Variants in FAM163A observed in about 807,000 individuals in gnomAD.
FAM163A encodes family with sequence similarity 163 member A, also known as protein FAM163A.
FAM163A carries 7 observed loss-of-function variants against 12.0 expected under a neutral mutation model. The ratio of observed to expected loss-of-function variants is 0.58; its 90% CI spans 0.33 to 1.10. FAM163A has a LOEUF of 1.10. Among genes scored for constraint, FAM163A ranks in the 50% least tolerant of loss-of-function variants. The pLI, the probability that FAM163A is intolerant of heterozygous loss-of-function variation, is 0.03. For missense variants in FAM163A, 202 were observed against 218.6 expected, an observed-to-expected ratio of 0.92 and a Z score of 0.48; for synonymous variants, 101 against 91.0, an observed-to-expected ratio of 1.11 and a Z score of -0.62.
At chr1:179,778,621 G>C (rs2148161275) in intron 1 of FAM163A, among the ~76,000 whole-genome samples, 1 of 152,300 alleles carries the variant, frequency 6.6e-6, no homozygotes, top group African/African-American at 2.4e-5. Flanking sequence ...TAGTAGGAAA[G>C]ATAGTAGCAT....
At chr1:179,729,251 T>C in the FAM163A span, among the ~76,000 whole-genome samples, 1 of 152,228 alleles carries the variant, frequency 6.6e-6, no homozygotes, top group South Asian at 2.1e-4. Flanking sequence ...ATAGGTGTTC[T>C]ATGTATGTGT....
At chr1:179,794,884 GGGAATTCAAAGA>G (rs1161326455) in intron 1 of FAM163A, among the ~76,000 whole-genome samples, 1 of 152,108 alleles carries the variant, frequency 6.6e-6, no homozygotes, top group Admixed American at 6.6e-5. Context: ...ATAAGGAAAT[GGGAATTCAAAGA>G]GGCTGAGTGA....
rs1695032122 is a variant in FAM163A at position 179,813,867 on chromosome 1, C to G, written c.182C>G (p.Thr61Ser). ...HDLPTHPRGP[T>S]CNACSSQALD... The stretch of plus-strand genomic sequence containing the variant: ...CTTCCCACGCATCCCAGAGGCCCCA[C>G]CTGCAATGCCTGCAGCTCCCAAGCC... The change falls in exon 5 of 5, where the codon ACC becomes AGC. Residue 61 changes from threonine (T) to serine (S), a missense_variant. By Grantham distance (58) the Thr-to-Ser change is moderately conservative. Coordinates refer to ENST00000341785, the MANE Select transcript of FAM163A (RefSeq NM_173509.3). 3 of 1,613,872 alleles carry G rather than the reference C, an allele frequency of 1.9e-6. No homozygotes were observed. Among genetic ancestry groups the G allele is most frequent in the Non-Finnish European group, 1.7e-6 (2 of 1,180,032 alleles).
the FAM163A span, among the ~76,000 whole-genome samples, chr1:179,729,549 C>T: frequency 7.9e-5 from 12 of 152,316 alleles, no homozygotes; most frequent in Non-Finnish European, 1.8e-4. Flanking sequence ...TCTGAGAAGG[C>T]TCCTAGTTGC....
intron 1 of FAM163A, among the ~76,000 whole-genome samples, chr1:179,767,118 C>A (rs1413127917): frequency 6.6e-6 from 1 of 152,076 alleles, no homozygotes; most frequent in Non-Finnish European, 1.5e-5. Context: ...CAGTGTCTTC[C>A]CTCAGAGATG....
intron 1 of FAM163A, among the ~76,000 whole-genome samples, chr1:179,772,505 T>G (rs1359632037): frequency 6.6e-6 from 1 of 152,200 alleles, no homozygotes; most frequent in Non-Finnish European, 1.5e-5. Flanking sequence ...TCAGGCCCCA[T>G]TCCAAATCTG....
intron 1 of FAM163A, among the ~76,000 whole-genome samples, chr1:179,779,419 T>C (rs989597874): frequency 2.6e-5 from 4 of 152,148 alleles, no homozygotes; most frequent in Non-Finnish European, 5.9e-5. Context: ...CCCTGGCCCC[T>C]GATACTTTAA....
At chr1:179,755,199 A>G (rs1685848058) in intron 1 of FAM163A, among the ~76,000 whole-genome samples, 1 of 151,826 alleles carries the variant, frequency 6.6e-6, no homozygotes, top group Non-Finnish European at 1.5e-5. Flanking sequence ...TCAGTGAAGA[A>G]TAGTTTGAGT....
intron 1 of FAM163A, among the ~76,000 whole-genome samples, chr1:179,767,647 G>A (rs1007491903): frequency 6.6e-6 from 1 of 152,028 alleles, no homozygotes; most frequent in Non-Finnish European, 1.5e-5. Context: ...TACAGAGCCT[G>A]TCCAGGCCCT....
chr1:179,805,754 G>A (rs1266857884), intron 1 of FAM163A, among the ~76,000 whole-genome samples: 3 of 152,132 alleles, frequency 2.0e-5, no homozygotes, highest in Non-Finnish European at 4.4e-5. Context: ...GGCCGGGATC[G>A]AAATTCGGGG....
In FAM163A at chr1:179,750,089, C is replaced by G. The variant is rs75759826; in HGVS notation, c.-136+6666C>G. 5.3e-5 allele frequency among the ~76,000 whole-genome samples: 8 copies of G among 152,222 alleles called. No homozygotes were observed. The East Asian group carries it at 1.4e-3, about 26-fold the overall frequency. ...TCCACAGAAGCGCAGTTTTGGCAATCAGAAGGTTGTTGATGACTTATCAAG... is the reference window on the plus strand; with the variant it reads ...TCCACAGAAGCGCAGTTTTGGCAATGAGAAGGTTGTTGATGACTTATCAAG... On this transcript the variant is annotated intron_variant, in intron 1 of 4. Transcript: ENST00000341785.
At chr1:179,777,902 A>C (rs979637846) in intron 1 of FAM163A, among the ~76,000 whole-genome samples, 6 of 152,208 alleles carry the variant, frequency 3.9e-5, no homozygotes, top group Admixed American at 6.5e-5. Flanking sequence ...AGTTCTGCAG[A>C]CCAACCTCAT....
Position 179,814,166 on chromosome 1 carries a change from A to C in FAM163A, c.481A>C (p.Arg161=), listed in dbSNP as rs772187923. The C allele has an allele frequency of 6.2e-7, 1 of 1,613,892 alleles. No homozygotes were observed. The highest frequency in any genetic ancestry group is 2.2e-5 in the East Asian group (1 of 44,870). Residue 161 remains arginine, a synonymous_variant, in exon 5 of 5, where the codon AGG becomes CGG. Transcript: ENST00000341785. The part of the protein sequence containing the change: ...GSGREAFTNP[R]AISTDV Reference sequence around the variant, plus strand: ...TGGGCGTGAGGCCTTCACCAATCCAAGGGCTATTAGTACAGACGTGTAAAT... The same window carrying C: ...TGGGCGTGAGGCCTTCACCAATCCACGGGCTATTAGTACAGACGTGTAAAT...
intron 1 of FAM163A, among the ~76,000 whole-genome samples, chr1:179,779,313 G>A: frequency 6.6e-6 from 1 of 152,144 alleles, no homozygotes; most frequent in East Asian, 1.9e-4. Context: ...GAGGGAGTTG[G>A]CTTAGACCAG....
the FAM163A span, among the ~76,000 whole-genome samples, chr1:179,727,911 T>A: frequency 6.6e-6 from 1 of 152,022 alleles, no homozygotes; most frequent in Non-Finnish European, 1.5e-5. Context: ...TGTCTACTAT[T>A]AATAGATTTG....
At position 179,813,842 on chromosome 1, in the gene FAM163A, C is replaced by T. The variant is rs537993778; in HGVS notation, c.157C>T (p.Leu53Phe). 7.4e-6 allele frequency: 12 copies of T among 1,614,010 alleles called. No homozygotes were observed. Among genetic ancestry groups the T allele is most frequent in the African/African-American group, 1.3e-5 (1 of 75,042 alleles). ...CGAGGAGGAGGAGCGGGAGCACGAC[C>T]TTCCCACGCATCCCAGAGGCCCCAC... ...ADEEEEREHD[L>F]PTHPRGPTCN... The change falls in exon 5 of 5, where the codon CTT becomes TTT. Residue 53 changes from leucine (L) to phenylalanine (F), a missense_variant. By Grantham distance (22) the Leu-to-Phe change is conservative. Transcript: ENST00000341785.
chr1:179,811,903 C>T (rs1694757286), intron 2 of FAM163A, among the ~76,000 whole-genome samples: 2 of 152,092 alleles, frequency 1.3e-5, no homozygotes, highest in Admixed American at 1.3e-4. Context: ...TTGAGATGAC[C>T]ACTGGGACAT....
chr1:179,772,805 C>T (rs1036703446), intron 1 of FAM163A, among the ~76,000 whole-genome samples: 1 of 151,740 alleles, frequency 6.6e-6, no homozygotes, highest in African/African-American at 2.4e-5. Flanking sequence ...TGTTTCAACT[C>T]CTAGAACATG....
intron 1 of FAM163A, among the ~76,000 whole-genome samples, chr1:179,753,248 G>C (rs1685534660): frequency 2.6e-5 from 4 of 152,136 alleles, no homozygotes; most frequent in Admixed American, 2.6e-4. Context: ...ACTTACATGA[G>C]GCATCTAAAA....
Sources: gnomAD v4.1 joint callset for allele counts (sites outside exome capture counted in the v4.1 genomes callset) on GRCh38, gnomAD v4.1.1 for gene constraint, MANE v1.5 for transcripts, NCBI Gene and HGNC (gene_info 2026-07-23, HGNC 2026-07-21) for gene names.